ALK: variants seen among roughly 807,000 people sequenced by gnomAD.
ALK encodes ALK tyrosine kinase receptor.
In ALK, 74 loss-of-function variants were observed where a neutral mutation model predicts 163.1. The ratio of observed to expected loss-of-function variants is 0.45; its 90% CI spans 0.38 to 0.55. ALK has a LOEUF of 0.55. Ranked by LOEUF, ALK falls within the 20% of genes least tolerant of loss-of-function variation. The pLI, the probability that ALK is intolerant of heterozygous loss-of-function variation, is 0.00. For missense variants in ALK, 2,063 were observed against 2,105.3 expected (o/e 0.98, Z 0.39); for synonymous variants, 960 against 843.2 (o/e 1.14, Z -2.40).
intron 3 of ALK, among the ~76,000 whole-genome samples, chr2:29,537,788 G>T (rs1040381870): frequency 6.6e-6 from 1 of 152,242 alleles, no homozygotes; most frequent in Non-Finnish European, 1.5e-5. Flanking sequence ...CATGGAGGAC[G>T]CACACTGCAA....
intron 1 of ALK, among the ~76,000 whole-genome samples, chr2:29,830,713 TAAAAAA>T (rs530774574): frequency 0.025 from 727 of 28,678 alleles, 4 homozygotes; most frequent in East Asian, 0.044. Flanking sequence ...TAAAATAGTT[TAAAAAA>T]AAAAAAAAAA....
At chr2:29,678,541 G>T (rs1677962281) in intron 3 of ALK, among the ~76,000 whole-genome samples, 1 of 150,860 alleles carries the variant, frequency 6.6e-6, no homozygotes, top group Admixed American at 6.6e-5. Flanking sequence ...CCATGCAATT[G>T]ATTTTTTCTT....
intron 4 of ALK, among the ~76,000 whole-genome samples, chr2:29,411,137 C>A (rs906137726): frequency 7.9e-5 from 12 of 152,118 alleles, no homozygotes; most frequent in African/African-American, 2.4e-4. Context: ...AAGACACGAA[C>A]ATGCACATTA....
At chr2:29,274,630 G>A (rs1665479860) in intron 11 of ALK, among the ~76,000 whole-genome samples, 1 of 152,246 alleles carries the variant, frequency 6.6e-6, no homozygotes, top group Non-Finnish European at 1.5e-5. Context: ...AGCTTTGGAG[G>A]GATCTGAGCT....
At chr2:29,635,505 G>A (rs924337371) in intron 3 of ALK, among the ~76,000 whole-genome samples, 4 of 152,218 alleles carry the variant, frequency 2.6e-5, no homozygotes, top group African/African-American at 7.2e-5. Context: ...GAAGCTGGAA[G>A]AGGCAAGGAA....
At chr2:29,424,551 T>C (rs1670091884) in intron 4 of ALK, among the ~76,000 whole-genome samples, 1 of 152,202 alleles carries the variant, frequency 6.6e-6, no homozygotes, top group Non-Finnish European at 1.5e-5. Context: ...AAGGTTGCCA[T>C]GGAGGTACAT....
intron 1 of ALK, among the ~76,000 whole-genome samples, chr2:29,851,330 T>C (rs1448744175): frequency 6.6e-6 from 1 of 152,166 alleles, no homozygotes; most frequent in Non-Finnish European, 1.5e-5. Flanking sequence ...TTTCATTGCC[T>C]TCTACACTTG....
chr2:29,216,673 G>A (rs1250012483), intron 23 of ALK, among the ~76,000 whole-genome samples: 3 of 35,754 alleles, frequency 8.4e-5, no homozygotes, highest in Admixed American at 4.8e-4. Flanking sequence ...TTTTGTGTAT[G>A]TGTTGTGTAT....
At chr2:29,205,676 T>C (rs1244570826) in intron 26 of ALK, among the ~76,000 whole-genome samples, 3 of 152,114 alleles carry the variant, frequency 2.0e-5, no homozygotes, top group African/African-American at 7.2e-5. Context: ...CCCTCTTCTT[T>C]TGTGTGTGTG....
intron 5 of ALK, among the ~76,000 whole-genome samples, chr2:29,344,264 C>T (rs1029722828): frequency 6.6e-6 from 1 of 152,176 alleles, no homozygotes; most frequent in South Asian, 2.1e-4. Context: ...AAAATCCTCT[C>T]GAGAGGACTA....
chr2:29,718,151 A>C (rs1367364702), intron 1 of ALK, among the ~76,000 whole-genome samples: 2 of 152,204 alleles, frequency 1.3e-5, no homozygotes, highest in Non-Finnish European at 2.9e-5. Flanking sequence ...GAGAGGGCTG[A>C]AACTGCACTC....
At chr2:29,429,958 G>T (rs1454824321) in intron 4 of ALK, among the ~76,000 whole-genome samples, 1 of 151,960 alleles carries the variant, frequency 6.6e-6, no homozygotes, top group Admixed American at 6.6e-5. Context: ...ATTCCATGGG[G>T]GAAAGAATAG....
intron 4 of ALK, among the ~76,000 whole-genome samples, chr2:29,436,915 G>A (rs935276459): frequency 3.3e-5 from 5 of 152,116 alleles, no homozygotes; most frequent in South Asian, 2.1e-4. Flanking sequence ...GCACAGGCCC[G>A]AAGATCTGTA....
At chr2:29,619,013 C>CG (rs1675946756) in intron 3 of ALK, among the ~76,000 whole-genome samples, 1 of 134,616 alleles carries the variant, frequency 7.4e-6, no homozygotes, top group African/African-American at 2.7e-5. Flanking sequence ...AAAAAAAAAA[C>CG]ACTTGAAAAA....
At position 29,246,586 on chromosome 2, in the gene ALK, G is replaced by A. The variant is rs1334538580; in HGVS notation, c.2204+4519C>T. Among the ~76,000 whole-genome samples the A allele has an allele frequency of 3.3e-5, 5 of 152,198 alleles. No individual in the cohort carries two copies. The highest frequency in any genetic ancestry group is 2.1e-4 in the South Asian group (1 of 4,828). On this transcript the variant is annotated intron_variant, in intron 12 of 28. Transcript: ENST00000389048. This position sits in a 1 kb window ranked among gnomAD's most constrained non-coding sequence, Gnocchi z 4.3. ...GCCTTGCCTGTTCTCAGCCAAGCTC[G>A]TGGGAGAGTGGCTGCGCTCCTTTGT...
In ALK at chr2:29,494,843, C is replaced by CGTGTGTGTGTGTGTGTGT. The variant is rs35306598; in HGVS notation, c.1154+37054_1154+37071dup. 1.7e-3 allele frequency among the ~76,000 whole-genome samples: 249 copies of CGTGTGTGTGTGTGTGTGT among 147,308 alleles called. 3 individuals carry two copies. Among genetic ancestry groups the CGTGTGTGTGTGTGTGTGT allele is most frequent in the African/African-American group, 5.9e-3 (234 of 39,768 alleles). On this transcript the variant is annotated intron_variant, in intron 4 of 28. Coordinates refer to ENST00000389048, the MANE Select transcript of ALK (RefSeq NM_004304.5). Reference sequence around the variant, plus strand: ...AGAAGCTCAAAGCTCTTTAGAGACTCGTGTGTGTGTGTGTGTGTGTGTGTG... The same window carrying CGTGTGTGTGTGTGTGTGT: ...AGAAGCTCAAAGCTCTTTAGAGACTCGTGTGTGTGTGTGTGTGTGTGTGTGTGTGTGTGTGTGTGTGTG...
At chr2:29,905,566 AAAGGG>A (rs1196658251) in intron 1 of ALK, among the ~76,000 whole-genome samples, 1 of 151,356 alleles carries the variant, frequency 6.6e-6, no homozygotes, top group Non-Finnish European at 1.5e-5. Context: ...AAGGAAAGGG[AAAGGG>A]AAGGGAAGGG....
intron 4 of ALK, among the ~76,000 whole-genome samples, chr2:29,474,932 C>G (rs1016252843): frequency 1.3e-5 from 2 of 152,184 alleles, no homozygotes; most frequent in Non-Finnish European, 2.9e-5. Flanking sequence ...GCTGCCACAC[C>G]TGCTGCTGGT....
At chr2:29,441,458 G>A (rs1324666364) in intron 4 of ALK, among the ~76,000 whole-genome samples, 1 of 152,198 alleles carries the variant, frequency 6.6e-6, no homozygotes, top group Non-Finnish European at 1.5e-5. Flanking sequence ...GGCCTGACTG[G>A]CAGGTTGTGG....
Sources: allele counts gnomAD v4.1 joint callset (sites outside exome capture counted in the v4.1 genomes callset), GRCh38; gene constraint gnomAD v4.1.1; non-coding constraint Gnocchi (gnomAD v3.1); transcripts MANE v1.5; gene names NCBI Gene and HGNC (gene_info 2026-07-23, HGNC 2026-07-21).